The following MAP3K8 variants were observed in gnomAD, a reference collection of about 807,000 sequenced individuals.
MAP3K8 encodes mitogen-activated protein kinase kinase kinase 8.
A neutral mutation model predicts 45.8 loss-of-function variants in MAP3K8; 22 were observed. That is an observed-to-expected ratio of 0.48 (90% CI 0.34 to 0.69). The LOEUF is 0.69. MAP3K8 is among the 30% of genes least tolerant of loss of function. The pLI, the probability that MAP3K8 is intolerant of heterozygous loss-of-function variation, is 0.01. For missense variants in MAP3K8, 419 were observed against 585.0 expected (o/e 0.72, Z 2.93); for synonymous variants, 223 against 214.3 (o/e 1.04, Z -0.36).
At chr10:30,445,704 A>G (rs921308711) in intron 3 of MAP3K8, among the ~76,000 whole-genome samples, 10 of 152,222 alleles carry the variant, frequency 6.6e-5, no homozygotes, top group Admixed American at 5.9e-4. Flanking sequence ...AAACAAGGCA[A>G]GACCGCCATC....
intron 1 of MAP3K8, among the ~76,000 whole-genome samples, chr10:30,435,561 A>AT: frequency 7.4e-6 from 1 of 135,088 alleles, no homozygotes; most frequent in South Asian, 2.1e-4. Flanking sequence ...TAATTTTTAA[A>AT]TTTTTTTTGA....
intron 6 of MAP3K8, among the ~76,000 whole-genome samples, chr10:30,452,610 G>A (rs1168554244): frequency 4.6e-5 from 7 of 150,654 alleles, no homozygotes; most frequent in South Asian, 4.2e-4. Context: ...ATGACAGAAC[G>A]AGATGTTGCT....
chr10:30,437,238 GA>G lies in MAP3K8; in HGVS notation c.-189del, dbSNP rs1253074625. Reference sequence around the variant, plus strand: ...GTAGCCACATCTTGTTTGCAGATAAGAAAGGAAGCTAACGCAGTATCTGCAA... The same window carrying G: ...GTAGCCACATCTTGTTTGCAGATAAGAAGGAAGCTAACGCAGTATCTGCAA... On this transcript the variant is annotated 5_prime_UTR_variant, in exon 2 of 9. The change abolishes the stop of an existing upstream ORF in the 5' untranslated region. Transcript: ENST00000263056. The G allele has an allele frequency of 3.0e-6, 3 of 985,176 alleles. No homozygotes were observed. The highest frequency in any genetic ancestry group is 6.2e-5 in the Admixed American group (1 of 16,260). 61.0% of individuals were successfully genotyped at this position (985,176 alleles called of 1,614,324 possible).
intron 4 of MAP3K8, 139 bp downstream of exon 4, chr10:30,448,088 T>A (rs1836402384): frequency 4.1e-6 from 3 of 728,580 alleles, no homozygotes; most frequent in Non-Finnish European, 6.5e-6. Flanking sequence ...AAGCATTTGT[T>A]TTTCTGAATT....
chr10:30,439,037 T>A lies in MAP3K8; in HGVS notation c.99T>A (p.Leu33=). 1.2e-6 allele frequency: 2 copies of A among 1,614,026 alleles called. No individual in the cohort carries two copies. Among genetic ancestry groups the A allele is most frequent in the South Asian group, 2.2e-5 (2 of 91,088 alleles). ...ATGTAATAGACATTATGGAAAATCT[T>A]TATGCAAGTGAAGAGCCAGCAGTTT... ...VSDVIDIMEN[L]YASEEPAVYE... is the part of the protein sequence containing the mutation. Residue 33 remains leucine (L), a synonymous_variant, in exon 3 of 9, where the codon CTT becomes CTA. Coordinates refer to ENST00000263056, the MANE Select transcript of MAP3K8 (RefSeq NM_005204.4).
At position 30,460,987 on chromosome 10, in the gene MAP3K8, C is replaced by T; in HGVS notation, c.*151C>T. ...ACCCGTGAATGTGCCTCCAAGCGGC[C>T]CTGTGTGTTTGACATGTGAAGCTAT... On this transcript the variant is annotated 3_prime_UTR_variant, in exon 9 of 9. Transcript: ENST00000263056. The T allele has an allele frequency of 4.5e-6, 4 of 885,846 alleles. No individual in the cohort carries two copies. The highest frequency in any genetic ancestry group is 6.6e-6 in the Non-Finnish European group (4 of 604,504). The allele number at this position is 885,846 out of a possible 1,614,324, so 54.9% of individuals were successfully genotyped here.
chr10:30,447,117 C>G (rs903876684), intron 3 of MAP3K8, among the ~76,000 whole-genome samples: 5 of 152,250 alleles, frequency 3.3e-5, no homozygotes, highest in African/African-American at 1.2e-4. Flanking sequence ...GCTCATGAAC[C>G]CTGGGAGGTC....
In MAP3K8 at chr10:30,459,582, A is replaced by G. The variant is rs1028774432; in HGVS notation, c.1273+81A>G. The G allele has an allele frequency of 2.0e-6, 3 of 1,522,838 alleles. No individual in the cohort carries two copies. In the African/African-American group the frequency reaches 4.2e-5, roughly 21 times the overall value. The allele number at this position is 1,522,838 out of a possible 1,614,324, so 94.3% of individuals were successfully genotyped here. ...TCAAACCTCTGATGTAGTTCATGAA[A>G]GCACTTGGAAAAAAAGGAAATGACT... On this transcript the variant is annotated intron_variant, in intron 8 of 8. Transcript: ENST00000263056.
rs1836943311 is a variant in MAP3K8, at chr10:30,461,650, C to T, written c.*814C>T. On this transcript the variant is annotated 3_prime_UTR_variant, in exon 9 of 9. Coordinates refer to ENST00000263056, the MANE Select transcript of MAP3K8 (RefSeq NM_005204.4). ...TTTAAGCATTTGTATATTAAAATAG[C>T]ATACTGTGTATGTTTTATATCAAAT... 1 of 185,468 alleles carries T rather than the reference C, an allele frequency of 5.4e-6. No individual in the cohort carries two copies. Among genetic ancestry groups the T allele is most frequent in the Non-Finnish European group, 1.1e-5 (1 of 87,602 alleles). 11.5% of individuals were successfully genotyped at this position (185,468 alleles called of 1,614,324 possible).
chr10:30,441,741 A>G (rs1246480631), intron 3 of MAP3K8, among the ~76,000 whole-genome samples: 2 of 152,164 alleles, frequency 1.3e-5, no homozygotes, highest in East Asian at 3.8e-4. Flanking sequence ...AACCCATCAG[A>G]GCTCCATGCT....
At chr10:30,436,496 C>A (rs971763593) in intron 1 of MAP3K8, among the ~76,000 whole-genome samples, 25 of 152,090 alleles carry the variant, frequency 1.6e-4, no homozygotes, top group African/African-American at 5.6e-4. Flanking sequence ...AGGCAACTCA[C>A]AGTTTAGGGG....
At chr10:30,438,817 A>G (rs532060439) in intron 2 of MAP3K8, 99 bp from the exon 3 acceptor site, 35 of 664,628 alleles carry the variant, frequency 5.3e-5, no homozygotes, top group Non-Finnish European at 7.1e-5. Flanking sequence ...GAACAAAAGC[A>G]TATAAAATCC....
intron 6 of MAP3K8, among the ~76,000 whole-genome samples, chr10:30,453,346 G>C (rs939718248): frequency 2.0e-4 from 31 of 152,088 alleles, no homozygotes; most frequent in African/African-American, 7.2e-4. Context: ...GACTCTAAAG[G>C]CCTCTCTTTG....
chr10:30,455,456 G>A (rs906889865), intron 6 of MAP3K8, among the ~76,000 whole-genome samples: 5 of 152,158 alleles, frequency 3.3e-5, no homozygotes, highest in Admixed American at 1.3e-4. Flanking sequence ...CTCTCTCTAA[G>A]CATTGGTATT....
chr10:30,449,267 C>T (rs922447680), intron 4 of MAP3K8, among the ~76,000 whole-genome samples: 4 of 152,058 alleles, frequency 2.6e-5, no homozygotes, highest in South Asian at 2.1e-4. Context: ...CTTTTTGAGA[C>T]GGAGTCTAGC....
intron 6 of MAP3K8, among the ~76,000 whole-genome samples, chr10:30,453,368 T>C (rs551675057): frequency 3.9e-5 from 6 of 152,274 alleles, no homozygotes; most frequent in African/African-American, 1.4e-4. Flanking sequence ...GCCTAGGAAT[T>C]CTATAATAAA....
At chr10:30,457,204 G>A (rs1379347789) in intron 6 of MAP3K8, among the ~76,000 whole-genome samples, 1 of 152,042 alleles carries the variant, frequency 6.6e-6, no homozygotes, top group Non-Finnish European at 1.5e-5. Flanking sequence ...TATAAAACCA[G>A]CCCTGTTTAT....
At chr10:30,452,083 C>T (rs891966262) in intron 6 of MAP3K8, among the ~76,000 whole-genome samples, 1 of 151,986 alleles carries the variant, frequency 6.6e-6, no homozygotes, top group Non-Finnish European at 1.5e-5. Flanking sequence ...CCTGTAATCC[C>T]AGTGCTTTGG....
rs1385596828 is a variant in MAP3K8, at chr10:30,452,526, G to A, written c.873+782G>A. On this transcript the variant is annotated intron_variant, in intron 6 of 8. Coordinates refer to ENST00000263056, the MANE Select transcript of MAP3K8 (RefSeq NM_005204.4). ...TACACGCCTGTAGTCTCAGCTAGTT[G>A]GGAGGCTGAGGTAGGAGGATTGCTT... Among the ~76,000 whole-genome samples the A allele has an allele frequency of 2.6e-5, 4 of 151,874 alleles. No homozygotes were observed. In the East Asian group the frequency reaches 5.8e-4, roughly 22 times the overall value.
Sources: gnomAD v4.1 joint callset for allele counts (sites outside exome capture counted in the v4.1 genomes callset) on GRCh38, gnomAD v4.1.1 for gene constraint, MANE v1.5 for transcripts, NCBI Gene and HGNC (gene_info 2026-07-23, HGNC 2026-07-21) for gene names.